Variants in ATP10B observed in about 807,000 individuals in gnomAD.
The protein encoded by ATP10B is ATPase phospholipid transporting 10B (putative).
A neutral mutation model predicts 141.2 loss-of-function variants in ATP10B; 122 were observed. The ratio of observed to expected loss-of-function variants is 0.86; its 90% CI spans 0.75 to 1.00. The LOEUF (loss-of-function observed/expected upper bound fraction) is 1.00. Ranked by LOEUF, ATP10B falls within the 50% of genes least tolerant of loss-of-function variation. The pLI is 0.00. For synonymous variants in ATP10B, 685 were observed against 692.0 expected (o/e 0.99, Z 0.16); for missense variants, 1,876 against 1,825.3 (o/e 1.03, Z -0.51).
chr5:160,737,235 G>C (rs1767181672), intron 2 of ATP10B, among the ~76,000 whole-genome samples: 1 of 152,124 alleles, frequency 6.6e-6, no homozygotes, highest in East Asian at 1.9e-4. Flanking sequence ...TAAAAATTGT[G>C]TATAGAGGGA....
intron 13 of ATP10B, among the ~76,000 whole-genome samples, chr5:160,625,224 A>C (rs1410397229): frequency 1.3e-5 from 2 of 152,214 alleles, no homozygotes; most frequent in East Asian, 3.8e-4. Context: ...CATAATCTTA[A>C]CACCTATATC....
intron 7 of ATP10B, among the ~76,000 whole-genome samples, chr5:160,651,657 G>A (rs991394117): frequency 6.6e-5 from 10 of 152,108 alleles, no homozygotes; most frequent in African/African-American, 2.4e-4. Context: ...AGGTACAGCT[G>A]TTCAAAGGGG....
chr5:160,589,838 G>T, intron 23 of ATP10B, 142 bp from the exon 24 acceptor site: 1 of 631,318 alleles, frequency 1.6e-6, no homozygotes, highest in Non-Finnish European at 2.9e-6. Flanking sequence ...GTACTGATCC[G>T]AGGAACAGGT....
intron 15 of ATP10B, among the ~76,000 whole-genome samples, chr5:160,619,188 G>A (rs1666470993): frequency 6.6e-6 from 1 of 152,084 alleles, no homozygotes; most frequent in Admixed American, 6.6e-5. Context: ...TGTAAGCCTT[G>A]GAGTTTACCT....
At chr5:160,783,813 G>C (rs1770936521) in intron 2 of ATP10B, among the ~76,000 whole-genome samples, 1 of 151,998 alleles carries the variant, frequency 6.6e-6, no homozygotes, top group African/African-American at 2.4e-5. Context: ...TCTCCACACT[G>C]TTTTCCATAG....
intron 1 of ATP10B, among the ~76,000 whole-genome samples, chr5:160,804,219 A>C (rs949054979): frequency 3.3e-5 from 5 of 152,072 alleles, no homozygotes; most frequent in African/African-American, 1.2e-4. Context: ...ATCTTTGTCA[A>C]AGTCCCCTTT....
At chr5:160,693,222 C>T (rs1166659729) in intron 3 of ATP10B, among the ~76,000 whole-genome samples, 1 of 151,886 alleles carries the variant, frequency 6.6e-6, no homozygotes, top group East Asian at 1.9e-4. Context: ...GTATAAAGGG[C>T]ATTATTGGAC....
chr5:160,920,491 C>T, the ATP10B span, among the ~76,000 whole-genome samples: 1 of 152,218 alleles, frequency 6.6e-6, no homozygotes, highest in African/African-American at 2.4e-5. Flanking sequence ...GGGCAGCGCT[C>T]TCAAGCATGG....
Position 160,708,381 on chromosome 5 carries a change from C to T in ATP10B, c.-205+8528G>A, listed in dbSNP as rs140109922. On this transcript the variant is annotated intron_variant, in intron 3 of 25. Transcript: ENST00000327245. The stretch of plus-strand genomic sequence containing the variant: ...TCATGAGAGAGCCAAGGAGATAACA[C>T]CCCATCTAGTGAGTGGATAATTAAT... Among the ~76,000 whole-genome samples the T allele has an allele frequency of 1.2e-3, 190 of 152,286 alleles. 1 individual carries two copies. Among genetic ancestry groups the T allele is most frequent in the Middle Eastern group, 3.4e-3 (1 of 294 alleles).
intron 22 of ATP10B, among the ~76,000 whole-genome samples, chr5:160,595,565 G>C (rs1381623529): frequency 6.6e-6 from 1 of 152,138 alleles, no homozygotes; most frequent in East Asian, 1.9e-4. Context: ...AGGAAAGAGA[G>C]ACACAAAAAA....
intron 2 of ATP10B, among the ~76,000 whole-genome samples, chr5:160,782,438 T>TACACACAC (rs57112303): frequency 0.013 from 1,895 of 141,070 alleles, 14 homozygotes; most frequent in East Asian, 0.026. Flanking sequence ...TCTTCCTCCA[T>TACACACAC]ACACACACAC....
chr5:160,840,383 A>T (rs1455194680), intron 1 of ATP10B, among the ~76,000 whole-genome samples: 1 of 152,074 alleles, frequency 6.6e-6, no homozygotes, highest in East Asian at 1.9e-4. Flanking sequence ...TCATGAGGAT[A>T]CAAACAGACT....
upstream of ATP10B, among the ~76,000 whole-genome samples, chr5:160,856,344 G>A (rs1040681611): frequency 1.3e-5 from 2 of 151,732 alleles, no homozygotes; most frequent in Non-Finnish European, 1.5e-5. Flanking sequence ...ATAAATTTCT[G>A]TATGTTTATC....
chr5:160,857,475 A>G, the ATP10B span, among the ~76,000 whole-genome samples: 2 of 151,762 alleles, frequency 1.3e-5, no homozygotes, highest in Admixed American at 1.3e-4. Context: ...CTTTTAAAAG[A>G]ACCAGCTCTT....
chr5:160,745,008 G>A (rs1767707552), intron 2 of ATP10B, among the ~76,000 whole-genome samples: 1 of 152,202 alleles, frequency 6.6e-6, no homozygotes, highest in Admixed American at 6.5e-5. Flanking sequence ...CTGTAGCCCT[G>A]AACAAATTAC....
At chr5:160,917,166 T>C in the ATP10B span, among the ~76,000 whole-genome samples, 9 of 151,972 alleles carry the variant, frequency 5.9e-5, 1 homozygote, top group South Asian at 2.1e-4. Flanking sequence ...CCATTTGTCT[T>C]ATAAGAGGCA....
chr5:160,919,223 CAAAAAAAAAA>C, the ATP10B span, among the ~76,000 whole-genome samples: 1 of 26,964 alleles, frequency 3.7e-5, no homozygotes. Flanking sequence ...AACTCCGTCT[CAAAAAAAAAA>C]AAAAAAAAAA....
chr5:160,836,803 G>A (rs1449010344), intron 1 of ATP10B, among the ~76,000 whole-genome samples: 1 of 151,984 alleles, frequency 6.6e-6, no homozygotes, highest in Admixed American at 6.6e-5. Context: ...CCTTCAAGGA[G>A]CCTCCCTTCA....
the ATP10B span, among the ~76,000 whole-genome samples, chr5:160,927,636 C>T: frequency 2.6e-5 from 4 of 152,162 alleles, no homozygotes; most frequent in African/African-American, 9.7e-5. Context: ...CTCCTGTTCC[C>T]TTCGATTACT....
Sources: allele counts gnomAD v4.1 joint callset (sites outside exome capture counted in the v4.1 genomes callset), GRCh38; gene constraint gnomAD v4.1.1; transcripts MANE v1.5; gene names NCBI Gene and HGNC (gene_info 2026-07-23, HGNC 2026-07-21).